Variants in SKAP2 observed in about 807,000 individuals in gnomAD.
The protein encoded by SKAP2 is src kinase-associated phosphoprotein 2.
A neutral mutation model predicts 54.9 loss-of-function variants in SKAP2; 28 were observed. The observed-to-expected ratio is 0.51, with a 90% CI of 0.38 to 0.70. The LOEUF is 0.70. Ranked by LOEUF, SKAP2 falls within the 30% of genes least tolerant of loss-of-function variation. SKAP2 has a pLI of 0.00. For synonymous variants in SKAP2, 137 were observed against 134.3 expected (o/e 1.02, Z -0.14); for missense variants, 356 against 424.1 (o/e 0.84, Z 1.41).
chr7:26,710,195 T>A (rs905988200), intron 9 of SKAP2, among the ~76,000 whole-genome samples: 7 of 151,944 alleles, frequency 4.6e-5, no homozygotes, highest in Non-Finnish European at 1.0e-4. Flanking sequence ...ACTCTGGGGG[T>A]GCCAGGAAAT....
chr7:26,731,345 A>G (rs1787821419), intron 6 of SKAP2, among the ~76,000 whole-genome samples: 1 of 152,174 alleles, frequency 6.6e-6, no homozygotes, highest in Non-Finnish European at 1.5e-5. Context: ...GGTAGAGAAG[A>G]TAAATGTTAT....
chr7:26,802,101 C>A (rs1177395745), intron 4 of SKAP2, among the ~76,000 whole-genome samples: 1 of 152,094 alleles, frequency 6.6e-6, no homozygotes, highest in Admixed American at 6.6e-5. Context: ...AACTTCAAAT[C>A]ATACTACAGA....
intron 6 of SKAP2, 126 bp downstream of exon 6, chr7:26,738,669 T>C: frequency 1.7e-6 from 1 of 600,660 alleles, no homozygotes; most frequent in Non-Finnish European, 3.0e-6. Flanking sequence ...TTAGTCAGAT[T>C]ATAATTGTTA....
chr7:26,860,200 T>C (rs1356526661), intron 1 of SKAP2, among the ~76,000 whole-genome samples: 2 of 152,190 alleles, frequency 1.3e-5, no homozygotes, highest in African/African-American at 2.4e-5. Flanking sequence ...GAGCCTTATA[T>C]AGTAATGAGA....
intron 7 of SKAP2, among the ~76,000 whole-genome samples, chr7:26,726,502 T>C (rs1584354071): frequency 6.6e-6 from 1 of 152,138 alleles, no homozygotes; most frequent in South Asian, 2.1e-4. Context: ...CCCACACTCC[T>C]AAGCAATACA....
intron 4 of SKAP2, among the ~76,000 whole-genome samples, chr7:26,769,441 T>C (rs181293373): frequency 1.4e-4 from 21 of 152,354 alleles, no homozygotes; most frequent in African/African-American, 5.0e-4. Context: ...ACCCACCTTC[T>C]GAAGCCTATT....
chr7:26,655,876 T>G, the SKAP2 span, among the ~76,000 whole-genome samples: 1 of 152,164 alleles, frequency 6.6e-6, no homozygotes, highest in African/African-American at 2.4e-5. Flanking sequence ...ATGGAGACTA[T>G]TTATAGGGCC....
At chr7:26,851,467 C>CA (rs1410778087) in intron 3 of SKAP2, among the ~76,000 whole-genome samples, 6 of 151,356 alleles carry the variant, frequency 4.0e-5, no homozygotes, top group African/African-American at 1.2e-4. Context: ...ATTGCAAGGA[C>CA]AAAAAACCAA....
intron 4 of SKAP2, among the ~76,000 whole-genome samples, chr7:26,741,564 A>T (rs918170253): frequency 1.0e-5 from 1 of 96,572 alleles, no homozygotes; most frequent in Non-Finnish European, 2.1e-5. Context: ...ATAAATAAAT[A>T]AATAAATAAA....
At chr7:26,752,893 A>G (rs3801866) in intron 4 of SKAP2, among the ~76,000 whole-genome samples, 93,300 of 151,202 alleles carry the variant, frequency 0.62, 29,319 homozygotes, top group East Asian at 0.88. Context: ...TCCACCAAAT[A>G]TCCACAGAAC....
chr7:26,835,146 C>T (rs1329138676), intron 4 of SKAP2, among the ~76,000 whole-genome samples: 2 of 152,234 alleles, frequency 1.3e-5, no homozygotes, highest in South Asian at 4.1e-4. Flanking sequence ...AATTCAGCAG[C>T]CCTTCATGCA....
In SKAP2 at chr7:26,864,373, G is replaced by C; in HGVS notation, c.57C>G (p.Asn19Lys). 1 of 1,613,680 alleles carries C rather than the reference G, an allele frequency of 6.2e-7. No homozygotes were observed. Among genetic ancestry groups the C allele is most frequent in the Non-Finnish European group, 8.5e-7 (1 of 1,179,754 alleles). ...CTTCCCGCTCTTTACCTGCCAACAG[G>C]TTCCTAATTTCCTCAGGGAGGGGGT... ...SPYPLPEEIRNLLADVETFVA... is the reference protein window; with the variant it reads ...SPYPLPEEIRKLLADVETFVA... Residue 19 changes from asparagine (N) to lysine (K), a missense_variant, in exon 1 of 13, where the codon AAC becomes AAG. Transcript: ENST00000345317.
intron 10 of SKAP2, among the ~76,000 whole-genome samples, chr7:26,689,354 T>C (rs1786727618): frequency 6.6e-6 from 1 of 152,200 alleles, no homozygotes; most frequent in Non-Finnish European, 1.5e-5. Flanking sequence ...TTCTCTTCTT[T>C]CCGTGTAAAA....
chr7:26,751,592 TA>T (rs1782683071), intron 4 of SKAP2, among the ~76,000 whole-genome samples: 1 of 152,170 alleles, frequency 6.6e-6, no homozygotes. Context: ...TACTCTGGTT[TA>T]AAGTATTATA....
Position 26,667,103 on chromosome 7 carries a change from A to C in SKAP2, c.*2563T>G, listed in dbSNP as rs1166503584. Reference sequence around the variant, plus strand: ...ATTAAACTTTATTTGAACCTTAAAAATTTGCAGAGTGGAACATTATTGTAA... The same window carrying C: ...ATTAAACTTTATTTGAACCTTAAAACTTTGCAGAGTGGAACATTATTGTAA... On this transcript the variant is annotated 3_prime_UTR_variant, in exon 13 of 13. Transcript: ENST00000345317. 1.3e-5 allele frequency: 2 copies of C among 152,214 alleles called. No homozygotes were observed. The highest frequency in any genetic ancestry group is 4.8e-5 in the African/African-American group (2 of 41,458). The allele number at this position is 152,214 out of a possible 1,614,324, so 9.4% of individuals were successfully genotyped here.
chr7:26,788,183 T>C (rs1410677495), intron 4 of SKAP2, among the ~76,000 whole-genome samples: 2 of 152,160 alleles, frequency 1.3e-5, no homozygotes, highest in African/African-American at 4.8e-5. Context: ...TAAAATACAT[T>C]GAAGATGTTT....
At chr7:26,696,992 A>G (rs1786907991) in intron 9 of SKAP2, among the ~76,000 whole-genome samples, 2 of 152,202 alleles carry the variant, frequency 1.3e-5, no homozygotes, top group Admixed American at 6.5e-5. Context: ...ATATTTGTTA[A>G]TATCATGATT....
At position 26,791,174 on chromosome 7, in the gene SKAP2, T is replaced by A. The variant is rs749552868; in HGVS notation, c.308-51210A>T. On this transcript the variant is annotated intron_variant, in intron 4 of 12. Transcript: ENST00000345317. ...TTATCATATCACATATTTAGGAACA[T>A]GACAAAAAGAAATAATAATGGTTTT... Among the ~76,000 whole-genome samples the A allele has an allele frequency of 2.0e-5, 3 of 152,180 alleles. No individual in the cohort carries two copies. The East Asian group carries it at 5.8e-4, about 29-fold the overall frequency.
chr7:26,820,204 A>G (rs531201907), intron 4 of SKAP2, among the ~76,000 whole-genome samples: 108 of 152,320 alleles, frequency 7.1e-4, no homozygotes, highest in African/African-American at 2.6e-3. Context: ...AAAAAATCAA[A>G]TATTTAAGAA....
Sources: allele counts gnomAD v4.1 joint callset (sites outside exome capture counted in the v4.1 genomes callset), GRCh38; gene constraint gnomAD v4.1.1; transcripts MANE v1.5; gene names NCBI Gene and HGNC (gene_info 2026-07-23, HGNC 2026-07-21).